The following SDK1 variants were observed in gnomAD, a reference collection of about 807,000 sequenced individuals.
SDK1 encodes the protein protein sidekick-1.
A neutral mutation model predicts 245.5 loss-of-function variants in SDK1; 157 were observed. The ratio of observed to expected loss-of-function variants is 0.64; its 90% CI spans 0.56 to 0.73. The LOEUF (loss-of-function observed/expected upper bound fraction) is 0.73, where lower values mean the gene tolerates loss of function less well. Ranked by LOEUF, SDK1 falls within the 30% of genes least tolerant of loss-of-function variation. SDK1 has a pLI of 0.00. For missense variants in SDK1, 3,583 were observed against 3,002.3 expected, an observed-to-expected ratio of 1.19 and a Z score of -4.52; for synonymous variants, 1,647 against 1,278.5, an observed-to-expected ratio of 1.29 and a Z score of -6.15.
chr7:3,343,734 A>G (rs1172398977), intron 1 of SDK1, among the ~76,000 whole-genome samples: 2 of 145,112 alleles, frequency 1.4e-5, no homozygotes, highest in African/African-American at 5.2e-5. Context: ...TTAAATATGA[A>G]TGGACTGACT....
intron 4 of SDK1, among the ~76,000 whole-genome samples, chr7:3,787,418 G>C (rs1315586693): frequency 6.6e-6 from 1 of 152,104 alleles, no homozygotes; most frequent in Non-Finnish European, 1.5e-5. Context: ...GATCACACTG[G>C]AGCCTTGTGC....
rs564394178 is a variant in SDK1 at position 4,149,416 on chromosome 7, C to T, written c.4578C>T (p.Thr1526=). 2 of 1,573,866 alleles carry T rather than the reference C, an allele frequency of 1.3e-6. No homozygotes were observed. The highest frequency in any genetic ancestry group is 1.4e-5 in the African/African-American group (1 of 73,074). The part of the protein sequence containing the change: ...VRELPRGEWQ[T]YSSSISHEAT... Reference sequence around the variant, plus strand: ...AGCTGCCTCGGGGTGAGTGGCAGACCTACTCCTCGTCCATCAGCCATGAGG... The same window carrying T: ...AGCTGCCTCGGGGTGAGTGGCAGACTTACTCCTCGTCCATCAGCCATGAGG... The change falls in exon 30 of 45, where the codon ACC becomes ACT. Residue 1526 remains threonine, a synonymous_variant. Coordinates refer to ENST00000404826, the MANE Select transcript of SDK1 (RefSeq NM_152744.4).
rs142893561 is a variant in SDK1 at position 3,620,246 on chromosome 7, C to G, written c.458+1007C>G. ...CAGAATTTATGTGTGTGTCAGTTGT[C>G]TGTGTGTTTGTATTTTAAAAATCAA... On this transcript the variant is annotated intron_variant, in intron 2 of 44. Coordinates refer to ENST00000404826, the MANE Select transcript of SDK1 (RefSeq NM_152744.4). 3.9e-3 allele frequency among the ~76,000 whole-genome samples: 595 copies of G among 151,808 alleles called. 5 individuals carry two copies. The highest frequency in any genetic ancestry group is 0.014 in the African/African-American group (581 of 41,340).
At chr7:3,583,900 A>C (rs1185162634) in intron 1 of SDK1, among the ~76,000 whole-genome samples, 1 of 152,146 alleles carries the variant, frequency 6.6e-6, no homozygotes, top group East Asian at 1.9e-4. Flanking sequence ...TGTGGAGCAC[A>C]GAGAGGCCTT....
intron 34 of SDK1, among the ~76,000 whole-genome samples, chr7:4,178,025 C>T (rs931706175): frequency 6.6e-6 from 1 of 152,224 alleles, no homozygotes. Flanking sequence ...AGGGTTTGCA[C>T]TTCTGTGAGA....
At chr7:3,579,017 C>G (rs1175532548) in intron 1 of SDK1, among the ~76,000 whole-genome samples, 1 of 151,900 alleles carries the variant, frequency 6.6e-6, no homozygotes, top group Admixed American at 6.6e-5. Flanking sequence ...TCCTTGAAAT[C>G]TTCACAATTT....
chr7:4,015,223 C>G (rs189950294), intron 16 of SDK1, among the ~76,000 whole-genome samples: 4 of 152,276 alleles, frequency 2.6e-5, no homozygotes, highest in Admixed American at 2.6e-4. Context: ...TTTCCCAACA[C>G]CACCCAGCTT....
At position 4,103,094 on chromosome 7, in the gene SDK1, G is replaced by A. The variant is rs919402154; in HGVS notation, c.3325-7569G>A. ...CGGCTCACTGCAAGCTCCGCCTGCC[G>A]GGCTCACGCCATTCTCCTGCCTCAG... On this transcript the variant is annotated intron_variant, in intron 22 of 44. Coordinates refer to ENST00000404826, the MANE Select transcript of SDK1 (RefSeq NM_152744.4). 2.7e-5 allele frequency among the ~76,000 whole-genome samples: 4 copies of A among 148,960 alleles called. No individual in the cohort carries two copies. The East Asian group carries it at 6.1e-4, about 23-fold the overall frequency.
At chr7:4,142,055 G>A (rs1191913864) in intron 28 of SDK1, among the ~76,000 whole-genome samples, 1 of 151,986 alleles carries the variant, frequency 6.6e-6, no homozygotes, top group Non-Finnish European at 1.5e-5. Flanking sequence ...GCGCCCTGCC[G>A]GGATAGGCAT....
At chr7:3,850,785 A>C (rs527581427) in intron 5 of SDK1, among the ~76,000 whole-genome samples, 23 of 150,458 alleles carry the variant, frequency 1.5e-4, no homozygotes, top group African/African-American at 5.4e-4. Context: ...GCATGTTCTC[A>C]CTCATAGGTG....
chr7:3,507,270 A>T (rs1264797609), intron 1 of SDK1, among the ~76,000 whole-genome samples: 1 of 152,182 alleles, frequency 6.6e-6, no homozygotes, highest in African/African-American at 2.4e-5. Flanking sequence ...ACACATGTGC[A>T]GCGTAGTATT....
chr7:3,723,923 C>CGT (rs1264784958), intron 4 of SDK1, among the ~76,000 whole-genome samples: 4 of 109,268 alleles, frequency 3.7e-5, no homozygotes, highest in Admixed American at 9.2e-5. Flanking sequence ...TATATATACA[C>CGT]GTATATATAT....
At chr7:3,707,300 T>C (rs758501810) in intron 4 of SDK1, among the ~76,000 whole-genome samples, 11 of 152,240 alleles carry the variant, frequency 7.2e-5, no homozygotes, top group Non-Finnish European at 1.6e-4. Flanking sequence ...CTTGATTTCA[T>C]TGTCAATTCA....
At chr7:3,528,211 A>AGG (rs1783214373) in intron 1 of SDK1, among the ~76,000 whole-genome samples, 1 of 11,580 alleles carries the variant, frequency 8.6e-5, no homozygotes, top group African/African-American at 3.6e-4. Flanking sequence ...TCAGTTAGCT[A>AGG]GGGGGTGGGT....
chr7:4,245,793 A>T lies in SDK1; in HGVS notation c.6369A>T (p.Ala2123=). The change falls in exon 44 of 45, where the codon GCA becomes GCT. Residue 2123 remains alanine (A), a synonymous_variant. Coordinates refer to ENST00000404826, the MANE Select transcript of SDK1 (RefSeq NM_152744.4). ...SVSLKEKSAD[A]SESEATDSDY... is the part of the protein sequence containing the mutation. ...GCCTCAAGGAGAAGTCGGCAGATGCATCAGAATCTGAGGTCAGTGTCGGTG... is the reference window on the plus strand; with the variant it reads ...GCCTCAAGGAGAAGTCGGCAGATGCTTCAGAATCTGAGGTCAGTGTCGGTG... 1 of 1,613,910 alleles carries T rather than the reference A, an allele frequency of 6.2e-7. No homozygotes were observed. Among genetic ancestry groups the T allele is most frequent in the Non-Finnish European group, 8.5e-7 (1 of 1,179,962 alleles).
intron 5 of SDK1, among the ~76,000 whole-genome samples, chr7:3,900,643 G>A (rs957167939): frequency 1.3e-5 from 2 of 152,032 alleles, no homozygotes; most frequent in African/African-American, 4.8e-5. Flanking sequence ...CTGCAGAAAT[G>A]TAAGGTGAAT....
intron 1 of SDK1, among the ~76,000 whole-genome samples, chr7:3,322,278 T>G (rs1779836919): frequency 6.6e-6 from 1 of 152,198 alleles, no homozygotes; most frequent in African/African-American, 2.4e-5. Context: ...CCTGGTGTGA[T>G]GTTTGAGGTT....
chr7:3,368,119 A>G (rs1272464870), intron 1 of SDK1, among the ~76,000 whole-genome samples: 5 of 152,246 alleles, frequency 3.3e-5, no homozygotes, highest in South Asian at 2.1e-4. Flanking sequence ...TTGACTTCCA[A>G]TTAAAATTAG....
chr7:4,219,989 A>G, intron 38 of SDK1, 120 bp from the exon 39 acceptor site: 2 of 1,231,580 alleles, frequency 1.6e-6, no homozygotes, highest in Non-Finnish European at 2.2e-6. Context: ...CCTAATAGTA[A>G]GAAATACTTC....
Sources: allele counts gnomAD v4.1 joint callset (sites outside exome capture counted in the v4.1 genomes callset), GRCh38; gene constraint gnomAD v4.1.1; transcripts MANE v1.5; gene names NCBI Gene and HGNC (gene_info 2026-07-23, HGNC 2026-07-21).